CTNNA2: variants seen among roughly 807,000 people sequenced by gnomAD.
The protein encoded by CTNNA2 is catenin alpha 2.
A neutral mutation model predicts 101.0 loss-of-function variants in CTNNA2; 42 were observed. The ratio of observed to expected loss-of-function variants is 0.42; its 90% CI spans 0.32 to 0.54. The LOEUF (loss-of-function observed/expected upper bound fraction) is 0.54. Among genes scored for constraint, CTNNA2 ranks in the 20% least tolerant of loss-of-function variants. The pLI is 0.14. For missense variants in CTNNA2, 871 were observed against 1,223.1 expected (o/e 0.71, Z 4.29); for synonymous variants, 450 against 456.4 (o/e 0.99, Z 0.18).
At chr2:79,207,397 C>T (rs79657016) in intron 2 of CTNNA2, among the ~76,000 whole-genome samples, 8,263 of 152,184 alleles carry the variant, frequency 0.054, 343 homozygotes, top group East Asian at 0.15. Flanking sequence ...AGAAGTAACC[C>T]CCCATTCTGC....
intron 6 of CTNNA2, among the ~76,000 whole-genome samples, chr2:79,890,052 A>C (rs908149931): frequency 4.0e-4 from 61 of 152,202 alleles, no homozygotes; most frequent in African/African-American, 1.4e-3. Context: ...AAGTTTCTCC[A>C]TTGTGTCTAT....
chr2:79,403,678 T>A (rs1678312332), intron 4 of CTNNA2, among the ~76,000 whole-genome samples: 1 of 151,986 alleles, frequency 6.6e-6, no homozygotes, highest in African/African-American at 2.4e-5. Context: ...TTTCCACATA[T>A]GCCTTAGTAG....
intron 7 of CTNNA2, among the ~76,000 whole-genome samples, chr2:80,210,975 A>C (rs777408213): frequency 6.6e-6 from 1 of 152,190 alleles, no homozygotes; most frequent in Non-Finnish European, 1.5e-5. Flanking sequence ...AGTGATGATG[A>C]ACATTTTTTC....
At chr2:79,895,465 A>G (rs1481940503) in intron 6 of CTNNA2, among the ~76,000 whole-genome samples, 2 of 152,176 alleles carry the variant, frequency 1.3e-5, no homozygotes, top group Non-Finnish European at 2.9e-5. Flanking sequence ...CTACTAATTT[A>G]TTAGGTTGAT....
chr2:80,189,816 T>C (rs1394105286), intron 7 of CTNNA2, among the ~76,000 whole-genome samples: 1 of 151,402 alleles, frequency 6.6e-6, no homozygotes, highest in African/African-American at 2.4e-5. Context: ...CATAAGAAAA[T>C]GTTCCAGGTA....
chr2:80,624,496 G>T (rs1229524961), intron 18 of CTNNA2, among the ~76,000 whole-genome samples: 1 of 151,924 alleles, frequency 6.6e-6, no homozygotes, highest in East Asian at 1.9e-4. Context: ...GGAGATACTA[G>T]AAAGGAATTT....
chr2:80,324,376 T>A (rs1679029692), intron 7 of CTNNA2, among the ~76,000 whole-genome samples: 1 of 152,126 alleles, frequency 6.6e-6, no homozygotes, highest in Non-Finnish European at 1.5e-5. Context: ...TGAGCTCATT[T>A]CTTCAGCTTT....
chr2:79,342,500 A>G (rs894958233), intron 3 of CTNNA2, among the ~76,000 whole-genome samples: 2 of 152,216 alleles, frequency 1.3e-5, no homozygotes, highest in Non-Finnish European at 2.9e-5. Context: ...ATTTGATTCT[A>G]TACCACAAAC....
intron 6 of CTNNA2, among the ~76,000 whole-genome samples, chr2:79,899,208 CT>C (rs1415371512): frequency 6.6e-6 from 1 of 151,956 alleles, no homozygotes; most frequent in Non-Finnish European, 1.5e-5. Flanking sequence ...AATCCATTTC[CT>C]TTGTTAAGCC....
At chr2:80,382,500 G>A (rs1559062677) in intron 7 of CTNNA2, among the ~76,000 whole-genome samples, 1 of 152,148 alleles carries the variant, frequency 6.6e-6, no homozygotes, top group East Asian at 1.9e-4. Flanking sequence ...TTATTTCCTT[G>A]GTGAGAATTG....
chr2:79,613,196 A>G (rs1170851089), intron 1 of CTNNA2, among the ~76,000 whole-genome samples: 5 of 151,860 alleles, frequency 3.3e-5, no homozygotes, highest in African/African-American at 1.2e-4. Flanking sequence ...GTTTACATAC[A>G]TGCTGAGTCA....
At chr2:79,888,679 G>T (rs964806219) in intron 6 of CTNNA2, among the ~76,000 whole-genome samples, 1 of 151,918 alleles carries the variant, frequency 6.6e-6, no homozygotes, top group African/African-American at 2.4e-5. Flanking sequence ...CCAATCTTGG[G>T]TTATTTCTTG....
At chr2:79,508,415 C>T (rs1671458580), upstream of CTNNA2, among the ~76,000 whole-genome samples, 1 of 152,074 alleles carries the variant, frequency 6.6e-6, no homozygotes, top group African/African-American at 2.4e-5. Context: ...ATTAAACAGA[C>T]AGCAGTCTCG....
chr2:80,304,246 G>T (rs1249851462), intron 7 of CTNNA2: 1 of 155,976 alleles, frequency 6.4e-6, no homozygotes, highest in Non-Finnish European at 1.4e-5. Context: ...GTGTTTCCGA[G>T]GCAGCCCCGG....
At chr2:79,879,475 T>A (rs1291741097) in intron 6 of CTNNA2, among the ~76,000 whole-genome samples, 1 of 152,194 alleles carries the variant, frequency 6.6e-6, no homozygotes, top group Non-Finnish European at 1.5e-5. Context: ...TCCATTTTTT[T>A]GTGTCCTCTC....
chr2:80,007,641 C>A (rs1337846570), intron 7 of CTNNA2, among the ~76,000 whole-genome samples: 1 of 152,270 alleles, frequency 6.6e-6, no homozygotes, highest in African/African-American at 2.4e-5. Context: ...GCAACCTTCT[C>A]TTTCTATTAA....
At chr2:79,360,782 C>A (rs567678074) in intron 3 of CTNNA2, among the ~76,000 whole-genome samples, 16 of 152,250 alleles carry the variant, frequency 1.1e-4, no homozygotes, top group African/African-American at 3.9e-4. Context: ...CCAATCATAG[C>A]AAATGTCTTT....
chr2:79,277,157 T>C (rs1363493659), intron 2 of CTNNA2, among the ~76,000 whole-genome samples: 1 of 152,054 alleles, frequency 6.6e-6, no homozygotes, highest in African/African-American at 2.4e-5. Flanking sequence ...CTTTAAACTC[T>C]CTCCCACCTC....
intron 1 of CTNNA2, among the ~76,000 whole-genome samples, chr2:79,521,107 GATATATATATATATATATAT>G (rs59797728): frequency 0.01 from 1,098 of 105,188 alleles, 11 homozygotes; most frequent in Middle Eastern, 0.026. Flanking sequence ...CAAAGCTGCT[GATATATATATATATATATAT>G]ATATATATAT....
Sources: allele counts gnomAD v4.1 joint callset (sites outside exome capture counted in the v4.1 genomes callset), GRCh38; gene constraint gnomAD v4.1.1; transcripts MANE v1.5; gene names NCBI Gene and HGNC (gene_info 2026-07-23, HGNC 2026-07-21).